The following RFTN1 variants were observed in gnomAD, a reference collection of about 807,000 sequenced individuals.
The protein encoded by RFTN1 is raftlin, lipid raft linker 1.
In RFTN1, 26 loss-of-function variants were observed where a neutral mutation model predicts 46.5. The ratio of observed to expected loss-of-function variants is 0.56; its 90% CI spans 0.41 to 0.78. The LOEUF is 0.78. Among genes scored for constraint, RFTN1 ranks in the 30% least tolerant of loss-of-function variants. RFTN1 has a pLI of 0.00. For missense variants in RFTN1, 693 were observed against 718.7 expected (o/e 0.96, Z 0.41); for synonymous variants, 261 against 284.2 (o/e 0.92, Z 0.82).
intron 1 of RFTN1, among the ~76,000 whole-genome samples, chr3:16,508,990 C>A (rs2125015558): frequency 6.6e-6 from 1 of 152,324 alleles, no homozygotes; most frequent in South Asian, 2.1e-4. Context: ...TTTAAATTTT[C>A]TTTTCTTTTA....
chr3:16,316,471 T>A lies in RFTN1; in HGVS notation c.*357A>T, dbSNP rs842424. 0.35 allele frequency: 109,809 copies of A among 309,928 alleles called. 20,609 individuals are homozygous for A. Among genetic ancestry groups the A allele is most frequent in the East Asian group, 0.43 (4,080 of 9,528 alleles). 19.2% of individuals were successfully genotyped at this position (309,928 alleles called of 1,614,324 possible). The stretch of plus-strand genomic sequence containing the variant: ...GTTTGTAGCCCAGGGTGTCCATGGA[T>A]TTGACCCGAATGCTCCCTGGAGGCC... On this transcript the variant is annotated 3_prime_UTR_variant, in exon 10 of 10. Transcript: ENST00000334133. The surrounding 1 kb of genome is among the most constrained non-coding windows in gnomAD (Gnocchi z 4.5).
rs1575227389 is a variant in RFTN1, at chr3:16,402,339, G to A, written c.441+7036C>T. 1.3e-5 allele frequency among the ~76,000 whole-genome samples: 2 copies of A among 152,116 alleles called. No homozygotes were observed. The highest frequency in any genetic ancestry group is 6.6e-5 in the Admixed American group (1 of 15,262). ...CCCCATTGCCCCCTGCAAGGCCTGC[G>A]CCAGCCGCCAGCTCACTGTCTTCCA... On this transcript the variant is annotated intron_variant, in intron 4 of 9. Transcript: ENST00000334133. This position sits in a 1 kb window ranked among gnomAD's most constrained non-coding sequence, Gnocchi z 4.5.
At position 16,382,752 on chromosome 3, in the gene RFTN1, A is replaced by G. The variant is rs1300674429; in HGVS notation, c.442-4650T>C. On this transcript the variant is annotated intron_variant, in intron 4 of 9. Coordinates refer to ENST00000334133, the MANE Select transcript of RFTN1 (RefSeq NM_015150.2). The surrounding 1 kb of genome is among the most constrained non-coding windows in gnomAD (Gnocchi z 4.7). The stretch of plus-strand genomic sequence containing the variant: ...CCACACCCTACCACATTTATCCCCC[A>G]GTGTTTCTGGAATTACTTCCTCCTT... 1.3e-5 allele frequency among the ~76,000 whole-genome samples: 2 copies of G among 152,060 alleles called. No homozygotes were observed. The highest frequency in any genetic ancestry group is 2.9e-5 in the Non-Finnish European group (2 of 68,014).
In RFTN1 at chr3:16,320,268, CAG is replaced by C. The variant is rs2068896817; in HGVS notation, c.1333-3038_1333-3037del. ...GCCTTGAAAATCACACGCACGTACA[CAG>C]AGGTTTCTTTCCAATGCTGAAAAGT... On this transcript the variant is annotated intron_variant, in intron 9 of 9. Transcript: ENST00000334133. The surrounding 1 kb of genome is among the most constrained non-coding windows in gnomAD (Gnocchi z 4.5). 6.6e-6 allele frequency among the ~76,000 whole-genome samples: 1 copy of C among 152,232 alleles called. No individual in the cohort carries two copies. Among genetic ancestry groups the C allele is most frequent in the African/African-American group, 2.4e-5 (1 of 41,462 alleles).
chr3:16,454,493 T>G (rs1281463557), intron 2 of RFTN1, among the ~76,000 whole-genome samples: 1 of 152,200 alleles, frequency 6.6e-6, no homozygotes. Flanking sequence ...AGGACGATTG[T>G]GTGAGAGGCT....
chr3:16,404,013 TTATATTTTATATATAATATATAATA>T (rs1368578443), intron 4 of RFTN1, among the ~76,000 whole-genome samples: 2 of 4,082 alleles, frequency 4.9e-4, no homozygotes, highest in African/African-American at 3.6e-3. Context: ...TATATATATA[TTATATTTTATATATAATATATAATA>T]TATATTTTAT....
intron 2 of RFTN1, among the ~76,000 whole-genome samples, chr3:16,445,481 T>TCACAAACACA: frequency 1.8e-5 from 1 of 55,042 alleles, no homozygotes; most frequent in African/African-American, 7.3e-5. Context: ...TCTCTCTCTC[T>TCACAAACACA]CTCACACACA....
chr3:16,434,393 C>CAAAAAA lies in RFTN1; in HGVS notation c.146-357_146-356insTTTTTT, dbSNP rs763361472. On this transcript the variant is annotated intron_variant, in intron 2 of 9. Coordinates refer to ENST00000334133, the MANE Select transcript of RFTN1 (RefSeq NM_015150.2). ...ACAAACAAACAAACAAACAAACAAA[C>CAAAAAA]AAAAACAAAAAAACCCCCTCAAAAT... Among the ~76,000 whole-genome samples the CAAAAAA allele has an allele frequency of 2.6e-4, 30 of 113,426 alleles. 1 individual carries two copies. Among genetic ancestry groups the CAAAAAA allele is most frequent in the South Asian group, 2.6e-3 (9 of 3,502 alleles). 74.4% of individuals were successfully genotyped at this position (113,426 alleles called of 152,430 possible). A position where few individuals can be genotyped will look rare whatever the true frequency, so the allele number is the denominator to read the frequency against.
At chr3:16,366,076 G>T (rs1007592382) in intron 6 of RFTN1, among the ~76,000 whole-genome samples, 3 of 152,208 alleles carry the variant, frequency 2.0e-5, no homozygotes, top group Non-Finnish European at 4.4e-5. Flanking sequence ...GGGCAGGGGT[G>T]TGGAGCAGGG....
Position 16,355,174 on chromosome 3 carries a change from C to T in RFTN1, c.1146+2758G>A, listed in dbSNP as rs1477249621. Among the ~76,000 whole-genome samples the T allele has an allele frequency of 3.9e-5, 6 of 152,194 alleles. No homozygotes were observed. In the East Asian group the frequency reaches 1.2e-3, roughly 29 times the overall value. ...TCACAGAAATCTAGGCTCTTTCTAG[C>T]CTGTATGTCCAAACTCTTCCAGCGT... On this transcript the variant is annotated intron_variant, in intron 7 of 9. Coordinates refer to ENST00000334133, the MANE Select transcript of RFTN1 (RefSeq NM_015150.2).
chr3:16,428,519 A>G lies in RFTN1; in HGVS notation c.332+5332T>C, dbSNP rs1002836030. Among the ~76,000 whole-genome samples the G allele has an allele frequency of 2.6e-5, 4 of 152,252 alleles. No individual in the cohort carries two copies. Among genetic ancestry groups the G allele is most frequent in the African/African-American group, 9.6e-5 (4 of 41,470 alleles). On this transcript the variant is annotated intron_variant, in intron 3 of 9. Transcript: ENST00000334133. The surrounding 1 kb of genome is among the most constrained non-coding windows in gnomAD (Gnocchi z 4.7). Reference sequence around the variant, plus strand: ...AGAATTTTAGAATTGCAGCCTCTGCATTAACTACAGGTCCTCTGTGTGCCC... The same window carrying G: ...AGAATTTTAGAATTGCAGCCTCTGCGTTAACTACAGGTCCTCTGTGTGCCC...
rs1158150797 is a variant in RFTN1, at chr3:16,407,755, T to C, written c.441+1620A>G. ...ATGCGTTATTAAAACACTTGTGTTCTCAGGCTTATGCGTATGTGAACAAAA... is the reference window on the plus strand; with the variant it reads ...ATGCGTTATTAAAACACTTGTGTTCCCAGGCTTATGCGTATGTGAACAAAA... On this transcript the variant is annotated intron_variant, in intron 4 of 9. Transcript: ENST00000334133. The surrounding 1 kb of genome is among the most constrained non-coding windows in gnomAD (Gnocchi z 4.0). 6.6e-6 allele frequency among the ~76,000 whole-genome samples: 1 copy of C among 152,190 alleles called. No individual in the cohort carries two copies. The highest frequency in any genetic ancestry group is 1.5e-5 in the Non-Finnish European group (1 of 68,032).
intron 2 of RFTN1, among the ~76,000 whole-genome samples, chr3:16,488,130 T>G (rs1340900482): frequency 6.6e-6 from 1 of 151,046 alleles, no homozygotes; most frequent in East Asian, 1.9e-4. Flanking sequence ...GAGACGGAGT[T>G]TCACTCTTGT....
rs2076865082 is a variant in RFTN1 at position 16,509,624 on chromosome 3, C to T, written c.-9+3818G>A. On this transcript the variant is annotated intron_variant, in intron 1 of 9. Coordinates refer to ENST00000334133, the MANE Select transcript of RFTN1 (RefSeq NM_015150.2). This position sits in a 1 kb window ranked among gnomAD's most constrained non-coding sequence, Gnocchi z 4.9. ...ACAGTGTTAATACAATGAAAGTTTACACTGAACAAAATTTTCCTAGGCCCA... is the reference window on the plus strand; with the variant it reads ...ACAGTGTTAATACAATGAAAGTTTATACTGAACAAAATTTTCCTAGGCCCA... Among the ~76,000 whole-genome samples, 2 of 152,246 alleles carry T rather than the reference C, an allele frequency of 1.3e-5. No individual in the cohort carries two copies. The highest frequency in any genetic ancestry group is 4.2e-4 in the South Asian group (2 of 4,818).
At chr3:16,491,773 A>C (rs1032251867) in intron 2 of RFTN1, among the ~76,000 whole-genome samples, 2 of 150,064 alleles carry the variant, frequency 1.3e-5, no homozygotes, top group Non-Finnish European at 3.0e-5. Context: ...AACAAACAAA[A>C]CAAACAAAAA....
chr3:16,353,185 T>C lies in RFTN1; in HGVS notation c.1146+4747A>G, dbSNP rs953594193. Among the ~76,000 whole-genome samples the C allele has an allele frequency of 5.3e-5, 8 of 152,174 alleles. No individual in the cohort carries two copies. The highest frequency in any genetic ancestry group is 3.4e-3 in the Middle Eastern group (1 of 294). On this transcript the variant is annotated intron_variant, in intron 7 of 9. Coordinates refer to ENST00000334133, the MANE Select transcript of RFTN1 (RefSeq NM_015150.2). The surrounding 1 kb of genome is among the most constrained non-coding windows in gnomAD (Gnocchi z 5.4). ...TGGTTACCAGAAAAGCAGAGTTAACTAGAAGCCAAAAGGGACCTGCTCAGG... is the reference window on the plus strand; with the variant it reads ...TGGTTACCAGAAAAGCAGAGTTAACCAGAAGCCAAAAGGGACCTGCTCAGG...
intron 7 of RFTN1, among the ~76,000 whole-genome samples, chr3:16,331,672 C>CAG (rs2125247041): frequency 6.6e-6 from 1 of 152,316 alleles, no homozygotes; most frequent in South Asian, 2.1e-4. Flanking sequence ...CCACTGGAGA[C>CAG]ATCATTTCTG....
intron 6 of RFTN1, among the ~76,000 whole-genome samples, chr3:16,359,946 A>G (rs1379128215): frequency 6.6e-6 from 1 of 152,176 alleles, no homozygotes; most frequent in Non-Finnish European, 1.5e-5. Context: ...ATATATAACA[A>G]TCTTTAGCTT....
chr3:16,471,530 C>CCACT lies in RFTN1; in HGVS notation c.145+22191_145+22194dup, dbSNP rs1167671872. On this transcript the variant is annotated intron_variant, in intron 2 of 9. Coordinates refer to ENST00000334133, the MANE Select transcript of RFTN1 (RefSeq NM_015150.2). ...CAGTCGAGTGCTTAATAAATAGCAG[C>CCACT]CACTGTAAAGGAGGTCAGGGAGAGA... Among the ~76,000 whole-genome samples, 6 of 152,272 alleles carry CCACT rather than the reference C, an allele frequency of 3.9e-5. No individual in the cohort carries two copies. In the South Asian group the frequency reaches 6.2e-4, roughly 16 times the overall value.
Sources: allele counts gnomAD v4.1 joint callset (sites outside exome capture counted in the v4.1 genomes callset), GRCh38; gene constraint gnomAD v4.1.1; non-coding constraint Gnocchi (gnomAD v3.1); transcripts MANE v1.5; gene names NCBI Gene and HGNC (gene_info 2026-07-23, HGNC 2026-07-21).